TENM2: variants seen among roughly 807,000 people sequenced by gnomAD.
TENM2 encodes the protein teneurin transmembrane protein 2.
A neutral mutation model predicts 245.2 loss-of-function variants in TENM2; 52 were observed. The ratio of observed to expected loss-of-function variants is 0.21; its 90% CI spans 0.17 to 0.27. The LOEUF is 0.27. TENM2 is among the 10% of genes least tolerant of loss of function. TENM2 has a pLI of 1.00. For synonymous variants in TENM2, 1,363 were observed against 1,438.9 expected (o/e 0.95, Z 1.19); for missense variants, 3,046 against 3,666.8 (o/e 0.83, Z 4.37).
chr5:167,118,298 TC>T, the TENM2 span, among the ~76,000 whole-genome samples: 1 of 152,204 alleles, frequency 6.6e-6, no homozygotes, highest in African/African-American at 2.4e-5. Flanking sequence ...CAACAATCTT[TC>T]TCTTAGAGAC....
At chr5:167,189,553 C>T in the TENM2 span, among the ~76,000 whole-genome samples, 1 of 147,800 alleles carries the variant, frequency 6.8e-6, no homozygotes, top group African/African-American at 2.5e-5. Flanking sequence ...CTCTTTCTTT[C>T]TTTCTCTTTC....
chr5:167,771,541 T>G (rs1645534519), intron 2 of TENM2, among the ~76,000 whole-genome samples: 2 of 152,198 alleles, frequency 1.3e-5, no homozygotes. Flanking sequence ...TTTGCTCCTT[T>G]GCATTCTTGG....
the TENM2 span, among the ~76,000 whole-genome samples, chr5:167,128,817 T>C: frequency 1.3e-5 from 2 of 152,218 alleles, no homozygotes; most frequent in Non-Finnish European, 1.5e-5. Context: ...TCATGTTACA[T>C]TCATTCTTGT....
chr5:168,211,922 A>G (rs1762829792), intron 20 of TENM2, among the ~76,000 whole-genome samples, 168 bp downstream of exon 22: 1 of 152,206 alleles, frequency 6.6e-6, no homozygotes, highest in African/African-American at 2.4e-5. Context: ...AGCTTTAGCA[A>G]TTATGAAATG....
chr5:167,994,387 T>C (rs1783897714), intron 5 of TENM2, among the ~76,000 whole-genome samples: 1 of 152,174 alleles, frequency 6.6e-6, no homozygotes, highest in South Asian at 2.1e-4. Context: ...GCTCCCACAC[T>C]TCCTTCATCC....
chr5:167,649,611 A>G (rs1326093848), intron 2 of TENM2, among the ~76,000 whole-genome samples: 1 of 152,078 alleles, frequency 6.6e-6, no homozygotes, highest in Non-Finnish European at 1.5e-5. Flanking sequence ...TGCACATGAA[A>G]CCCATTTAAA....
At chr5:167,366,158 A>T (rs759118084) in intron 1 of TENM2, among the ~76,000 whole-genome samples, 1 of 152,078 alleles carries the variant, frequency 6.6e-6, no homozygotes, top group East Asian at 1.9e-4. Flanking sequence ...AGGCACAAAT[A>T]AATATTATGA....
intron 2 of TENM2, among the ~76,000 whole-genome samples, chr5:167,425,740 ATGCTGC>A (rs541557775): frequency 5.3e-5 from 8 of 151,838 alleles, no homozygotes; most frequent in East Asian, 1.9e-4. Flanking sequence ...TAAAATAACA[ATGCTGC>A]TGCTGCTGCT....
intron 2 of TENM2, among the ~76,000 whole-genome samples, chr5:167,522,661 G>T (rs908669134): frequency 1.3e-5 from 2 of 151,992 alleles, no homozygotes; most frequent in Admixed American, 6.6e-5. Context: ...CATTTTTATA[G>T]TAAGATAGCA....
chr5:167,557,981 G>A (rs1313157258), intron 2 of TENM2, among the ~76,000 whole-genome samples: 1 of 152,240 alleles, frequency 6.6e-6, no homozygotes, highest in Non-Finnish European at 1.5e-5. Flanking sequence ...AATTGGAACT[G>A]CTGTGCAACA....
intron 2 of TENM2, among the ~76,000 whole-genome samples, chr5:167,609,206 C>A (rs1176723820): frequency 1.3e-5 from 2 of 152,032 alleles, no homozygotes; most frequent in African/African-American, 4.8e-5. Flanking sequence ...CACACACTAC[C>A]ATACCCATTG....
chr5:167,866,422 C>T (rs942902741), intron 2 of TENM2, among the ~76,000 whole-genome samples: 2 of 148,950 alleles, frequency 1.3e-5, no homozygotes, highest in Non-Finnish European at 3.0e-5. Context: ...CTCTTGAACT[C>T]ATGAAGCAGA....
the TENM2 span, among the ~76,000 whole-genome samples, chr5:166,983,842 C>A: frequency 2.6e-5 from 4 of 152,046 alleles, no homozygotes; most frequent in Admixed American, 1.3e-4. Flanking sequence ...GTTTAGATGA[C>A]CTATGGAGAA....
At chr5:168,208,014 C>T (rs1430429011) in intron 19 of TENM2, among the ~76,000 whole-genome samples, 1 of 152,188 alleles carries the variant, frequency 6.6e-6, no homozygotes, top group Non-Finnish European at 1.5e-5. Flanking sequence ...TAGTCCAGTT[C>T]CCACTGCCCA....
chr5:167,872,832 A>G (rs1036795421), intron 2 of TENM2, among the ~76,000 whole-genome samples: 2 of 152,266 alleles, frequency 1.3e-5, no homozygotes, highest in African/African-American at 2.4e-5. Context: ...TCTGTACTAT[A>G]TGAAATGAAT....
In TENM2 at chr5:168,160,486, A is replaced by G. The variant is rs1757650382; in HGVS notation, c.2423-2125A>G. 2.0e-5 allele frequency among the ~76,000 whole-genome samples: 3 copies of G among 152,208 alleles called. No homozygotes were observed. The South Asian group carries it at 6.2e-4, about 31-fold the overall frequency. Reference sequence around the variant, plus strand: ...TTAGTGCCAGGCTGTGCAACAAAAGAAAACAGATTCCCTGGTAAGAGTCTC... The same window carrying G: ...TTAGTGCCAGGCTGTGCAACAAAAGGAAACAGATTCCCTGGTAAGAGTCTC... On this transcript the variant is annotated intron_variant, in intron 12 of 28. Coordinates refer to ENST00000518659, the Ensembl canonical transcript of TENM2.
intron 7 of TENM2, among the ~76,000 whole-genome samples, chr5:168,071,436 A>G (rs1791005838): frequency 6.6e-6 from 1 of 152,192 alleles, no homozygotes; most frequent in Non-Finnish European, 1.5e-5. Context: ...ATTTTTTAGT[A>G]TATTTTCCAG....
At chr5:167,135,252 A>G in the TENM2 span, among the ~76,000 whole-genome samples, 11 of 152,320 alleles carry the variant, frequency 7.2e-5, no homozygotes, top group African/African-American at 2.2e-4. Flanking sequence ...AACATATACA[A>G]TTTTATTTCA....
intron 1 of TENM2, among the ~76,000 whole-genome samples, chr5:167,285,397 C>T (rs888046491): frequency 4.6e-5 from 7 of 152,080 alleles, no homozygotes; most frequent in Non-Finnish European, 8.8e-5. Flanking sequence ...TATAATAATA[C>T]GCCCTTTTCC....
Sources: gnomAD v4.1 joint callset for allele counts (sites outside exome capture counted in the v4.1 genomes callset) on GRCh38, gnomAD v4.1.1 for gene constraint, MANE v1.5 for transcripts, NCBI Gene and HGNC (gene_info 2026-07-23, HGNC 2026-07-21) for gene names.